UBE2E2: variants seen among roughly 807,000 people sequenced by gnomAD.
UBE2E2 encodes ubiquitin conjugating enzyme E2 E2.
UBE2E2 carries 6 observed loss-of-function variants against 24.7 expected under a neutral mutation model. That is an observed-to-expected ratio of 0.24 (90% confidence interval 0.13 to 0.48). The LOEUF is 0.48. UBE2E2 is among the 20% of genes least tolerant of loss of function. The pLI is 0.99. For missense variants in UBE2E2, 169 were observed against 245.0 expected (o/e 0.69, Z 2.07); for synonymous variants, 104 against 83.6 (o/e 1.24, Z -1.33).
At chr3:23,450,560 G>T (rs968219148) in intron 3 of UBE2E2, among the ~76,000 whole-genome samples, 3 of 152,020 alleles carry the variant, frequency 2.0e-5, no homozygotes, top group East Asian at 1.9e-4. Context: ...TTCTTTAAAA[G>T]TGAGGAAATA....
At chr3:23,290,118 A>G (rs1698722725) in intron 3 of UBE2E2, among the ~76,000 whole-genome samples, 1 of 152,248 alleles carries the variant, frequency 6.6e-6, no homozygotes, top group African/African-American at 2.4e-5. Context: ...TAGAATATGT[A>G]TGTATATGTC....
At chr3:23,568,447 C>T (rs937998655) in intron 5 of UBE2E2, among the ~76,000 whole-genome samples, 3 of 151,298 alleles carry the variant, frequency 2.0e-5, no homozygotes, top group East Asian at 1.9e-4. Flanking sequence ...TTTTTTCTTT[C>T]GAGGTGGGAG....
intron 3 of UBE2E2, among the ~76,000 whole-genome samples, chr3:23,222,415 C>A (rs1002669727): frequency 1.3e-5 from 2 of 152,240 alleles, no homozygotes. Flanking sequence ...TTGTAGCTCC[C>A]ATAATTCCCA....
chr3:23,308,983 G>A (rs1397089318), intron 3 of UBE2E2, among the ~76,000 whole-genome samples: 1 of 152,220 alleles, frequency 6.6e-6, no homozygotes, highest in South Asian at 2.1e-4. Context: ...AAGATGTACT[G>A]TTCCAGAAGA....
intron 3 of UBE2E2, among the ~76,000 whole-genome samples, chr3:23,453,683 C>T (rs983284480): frequency 2.0e-5 from 3 of 152,248 alleles, no homozygotes; most frequent in South Asian, 2.1e-4. Flanking sequence ...TGCATATTAA[C>T]GACTTTATAA....
intron 3 of UBE2E2, among the ~76,000 whole-genome samples, chr3:23,454,825 G>T (rs1306510020): frequency 6.6e-6 from 1 of 152,208 alleles, no homozygotes; most frequent in Non-Finnish European, 1.5e-5. Flanking sequence ...GTGTTGTACA[G>T]TGTACTTCCT....
At chr3:23,299,691 G>A (rs902839107) in intron 3 of UBE2E2, among the ~76,000 whole-genome samples, 3 of 152,174 alleles carry the variant, frequency 2.0e-5, no homozygotes, top group East Asian at 1.9e-4. Flanking sequence ...GCTGAGGTGT[G>A]CTTTACTTCC....
chr3:23,242,309 G>A (rs1697280927), intron 3 of UBE2E2, among the ~76,000 whole-genome samples: 1 of 151,804 alleles, frequency 6.6e-6, no homozygotes, highest in Admixed American at 6.6e-5. Context: ...CTGTATAGTA[G>A]TAATCTGTTG....
chr3:23,543,529 A>C (rs1169893817), intron 5 of UBE2E2, among the ~76,000 whole-genome samples: 1 of 142,380 alleles, frequency 7.0e-6, no homozygotes, highest in Non-Finnish European at 1.5e-5. Context: ...GTCTGTGAGG[A>C]ATACTACAAA....
chr3:23,302,371 G>C (rs1187367963), intron 3 of UBE2E2, among the ~76,000 whole-genome samples: 1 of 152,124 alleles, frequency 6.6e-6, no homozygotes, highest in African/African-American at 2.4e-5. Flanking sequence ...CTTATTACCA[G>C]TTATGCCTTT....
chr3:23,590,619 C>T lies in UBE2E2; in HGVS notation c.*788C>T, dbSNP rs1468772331. ...GACATTTGCTTTGTGTCCTGGTGAC[C>T]GCTGTAGCCCTACGTGCAGTGAGGC... On this transcript the variant is annotated 3_prime_UTR_variant, in exon 6 of 6. Transcript: ENST00000396703. 6.6e-6 allele frequency: 1 copy of T among 152,532 alleles called. No individual in the cohort carries two copies. The highest frequency in any genetic ancestry group is 1.5e-5 in the Non-Finnish European group (1 of 68,034). 9.4% of individuals were successfully genotyped at this position (152,532 alleles called of 1,614,324 possible). A position where few individuals can be genotyped will look rare whatever the true frequency, so the allele number is the denominator to read the frequency against.
intron 3 of UBE2E2, among the ~76,000 whole-genome samples, chr3:23,459,804 C>T (rs1698769200): frequency 6.6e-6 from 1 of 152,058 alleles, no homozygotes; most frequent in Non-Finnish European, 1.5e-5. Flanking sequence ...TCTGTAAAAT[C>T]GCAGGCCAGA....
In UBE2E2 at chr3:23,557,791, T is replaced by C. The variant is rs180865419; in HGVS notation, c.508+25090T>C. ...CATAGCAGCCTCATCTATAACTTTT[T>C]CCAAAGGTAACTTCCCACTTCTTTA... On this transcript the variant is annotated intron_variant, in intron 5 of 5. Coordinates refer to ENST00000396703, the MANE Select transcript of UBE2E2 (RefSeq NM_152653.4). 1.1e-3 allele frequency among the ~76,000 whole-genome samples: 162 copies of C among 152,336 alleles called. 2 individuals are homozygous for C. The highest frequency in any genetic ancestry group is 2.1e-3 in the Admixed American group (32 of 15,290).
chr3:23,263,261 T>C (rs778591314), intron 3 of UBE2E2, among the ~76,000 whole-genome samples: 11 of 152,218 alleles, frequency 7.2e-5, no homozygotes, highest in Non-Finnish European at 1.6e-4. Context: ...TATTTAAATC[T>C]TTTATACAGA....
intron 3 of UBE2E2, among the ~76,000 whole-genome samples, chr3:23,485,403 C>G (rs973261107): frequency 6.6e-6 from 1 of 152,142 alleles, no homozygotes; most frequent in Non-Finnish European, 1.5e-5. Flanking sequence ...GGCCTCAACA[C>G]TACCTCTTGT....
At chr3:23,326,319 C>T (rs1694889336) in intron 3 of UBE2E2, among the ~76,000 whole-genome samples, 1 of 152,178 alleles carries the variant, frequency 6.6e-6, no homozygotes, top group Non-Finnish European at 1.5e-5. Flanking sequence ...GATCTGCCTG[C>T]CTTGGCCTCC....
intron 3 of UBE2E2, among the ~76,000 whole-genome samples, chr3:23,352,043 T>A (rs143476782): frequency 0.1 from 15,459 of 152,044 alleles, 920 homozygotes; most frequent in East Asian, 0.13. Context: ...CTCTCAGACC[T>A]CAGTGCAATC....
At chr3:23,487,602 A>G (rs1699403988) in intron 3 of UBE2E2, among the ~76,000 whole-genome samples, 1 of 152,154 alleles carries the variant, frequency 6.6e-6, no homozygotes, top group Non-Finnish European at 1.5e-5. Context: ...CCTTACATAT[A>G]TTAATTCATT....
chr3:23,217,187 T>C lies in UBE2E2; in HGVS notation c.177-75T>C, dbSNP rs1409064615. ...ATACCAAAGGGAAATGTTATTAAAA[T>C]GTAACGTTTTAATGAAATAAATTGT... On this transcript the variant is annotated intron_variant, in intron 2 of 5. Transcript: ENST00000396703. The C allele has an allele frequency of 1.1e-5, 14 of 1,280,516 alleles. No individual in the cohort carries two copies. The East Asian group carries it at 3.4e-4, about 31-fold the overall frequency. The allele number at this position is 1,280,516 out of a possible 1,614,324, so 79.3% of individuals were successfully genotyped here.
Sources: gnomAD v4.1 joint callset for allele counts (sites outside exome capture counted in the v4.1 genomes callset) on GRCh38, gnomAD v4.1.1 for gene constraint, MANE v1.5 for transcripts, NCBI Gene and HGNC (gene_info 2026-07-23, HGNC 2026-07-21) for gene names.